Variants in RANBP17 observed in about 807,000 individuals in gnomAD.
RANBP17 encodes ran-binding protein 17.
RANBP17 carries 158 observed loss-of-function variants against 141.2 expected under a neutral mutation model. The ratio of observed to expected loss-of-function variants is 1.12; its 90% CI spans 0.98 to 1.28. The LOEUF is 1.28. RANBP17 is among the 50% of genes most tolerant of loss of function. The probability of loss-of-function intolerance (pLI) is 0.00; values close to 1 mark genes in which losing one functional copy is unlikely to be tolerated. For synonymous variants in RANBP17, 430 were observed against 450.0 expected (o/e 0.96, Z 0.56); for missense variants, 1,438 against 1,290.7 (o/e 1.11, Z -1.75).
At chr5:170,955,596 ATATATATATATATGCTCAGTG>A in intron 13 of RANBP17, among the ~76,000 whole-genome samples, 1 of 87,006 alleles carries the variant, frequency 1.1e-5, no homozygotes, top group Admixed American at 1.2e-4. Flanking sequence ...ATATATATAT[ATATATATATATATGCTCAGTG>A]TATATATATA....
At chr5:171,228,205 A>G (rs1187224373) in intron 22 of RANBP17, among the ~76,000 whole-genome samples, 1 of 152,228 alleles carries the variant, frequency 6.6e-6, no homozygotes, top group Non-Finnish European at 1.5e-5. Flanking sequence ...AGGATTCACT[A>G]TTCTAGATGC....
At chr5:171,212,174 G>T (rs965674889) in intron 20 of RANBP17, among the ~76,000 whole-genome samples, 1 of 152,158 alleles carries the variant, frequency 6.6e-6, no homozygotes, top group African/African-American at 2.4e-5. Context: ...CACCTATATT[G>T]AAATCTGACA....
chr5:171,160,443 C>G lies in RANBP17; in HGVS notation c.1711-9687C>G, dbSNP rs182307791. The stretch of plus-strand genomic sequence containing the variant: ...TACTTATGAAAATTTTACTGTATAC[C>G]AGGACTGTTATAGGTCCTTCACATA... On this transcript the variant is annotated intron_variant, in intron 14 of 27. Coordinates refer to ENST00000523189, the MANE Select transcript of RANBP17 (RefSeq NM_022897.5). Among the ~76,000 whole-genome samples the G allele has an allele frequency of 7.2e-5, 11 of 152,068 alleles. No homozygotes were observed. The East Asian group carries it at 2.1e-3, about 29-fold the overall frequency.
intron 14 of RANBP17, chr5:170,968,719 A>G (rs1178717951): frequency 2.2e-6 from 1 of 459,356 alleles, no homozygotes; most frequent in Non-Finnish European, 4.4e-6. Context: ...TTTTTTGGAC[A>G]CTTATTTATT....
chr5:170,882,790 T>C (rs1046177738), intron 3 of RANBP17, among the ~76,000 whole-genome samples: 8 of 152,238 alleles, frequency 5.3e-5, no homozygotes, highest in Non-Finnish European at 2.9e-5. Context: ...AATGATTTTA[T>C]AAAGTAGCAG....
intron 24 of RANBP17, among the ~76,000 whole-genome samples, chr5:171,263,521 T>C (rs908732243): frequency 1.3e-5 from 2 of 152,232 alleles, no homozygotes; most frequent in Non-Finnish European, 2.9e-5. Context: ...AGATAATAAA[T>C]GGTTGCTCTA....
chr5:170,890,418 CT>C (rs1238316640), intron 3 of RANBP17, among the ~76,000 whole-genome samples: 2 of 151,830 alleles, frequency 1.3e-5, no homozygotes, highest in African/African-American at 4.8e-5. Flanking sequence ...TGTATTTTAT[CT>C]TTTTTATTGT....
In RANBP17 at chr5:171,170,181, C is replaced by A; in HGVS notation, c.1762C>A (p.Leu588Ile). The part of the protein sequence containing the change: ...VLGITDDNHV[L>I]ETFMTKIVTN... Reference sequence around the variant, plus strand: ...AGGAATAACAGATGACAACCACGTTCTAGAGACGTTCATGACAAAAATGTG... The same window carrying A: ...AGGAATAACAGATGACAACCACGTTATAGAGACGTTCATGACAAAAATGTG... The change falls in exon 15 of 28, where the codon CTA becomes ATA. Residue 588 changes from leucine to isoleucine, a missense_variant. Physicochemically the swap from Leu to Ile is conservative, Grantham distance 5. Transcript: ENST00000523189. 4 of 1,574,736 alleles carry A rather than the reference C, an allele frequency of 2.5e-6. No homozygotes were observed. Among genetic ancestry groups the A allele is most frequent in the Non-Finnish European group, 3.5e-6 (4 of 1,157,786 alleles).
rs1353777794 is a variant in RANBP17, at chr5:170,892,440, A to C, written c.310A>C (p.Ile104Leu). The change falls in exon 4 of 28, where the codon ATC (isoleucine) becomes CTC (leucine). Residue 104 changes from isoleucine to leucine, a missense_variant. Physicochemically the swap from Ile to Leu is conservative, Grantham distance 5. Transcript: ENST00000523189. ...ACAGCCCAAGCTGGCTCCCTTTGTCATCCAAGCTCTTATTCAAGTCATTGC... is the reference window on the plus strand; with the variant it reads ...ACAGCCCAAGCTGGCTCCCTTTGTCCTCCAAGCTCTTATTCAAGTCATTGC... ...ASQPKLAPFV[I>L]QALIQVIAKI... is the part of the protein sequence containing the mutation. 6.2e-7 allele frequency: 1 copy of C among 1,613,876 alleles called. No individual in the cohort carries two copies. The highest frequency in any genetic ancestry group is 1.6e-4 in the Middle Eastern group (1 of 6,062).
chr5:170,950,249 A>T (rs1483748058), intron 12 of RANBP17, among the ~76,000 whole-genome samples: 1 of 152,172 alleles, frequency 6.6e-6, no homozygotes, highest in Non-Finnish European at 1.5e-5. Context: ...GGATTATATT[A>T]AGCTAAAAAG....
chr5:170,949,906 T>C lies in RANBP17; in HGVS notation c.1469-3691T>C, dbSNP rs1041740152. Among the ~76,000 whole-genome samples, 31 of 152,202 alleles carry C rather than the reference T, an allele frequency of 2.0e-4. 1 individual carries two copies. The highest frequency in any genetic ancestry group is 6.8e-3 in the Middle Eastern group (2 of 294). On this transcript the variant is annotated intron_variant, in intron 12 of 27. Transcript: ENST00000523189. ...TGGTATTGGTATAAAAACAGACACA[T>C]AGACCAATGGAACAGAATAGAAAAC...
At chr5:171,205,222 T>A (rs1195347463) in intron 19 of RANBP17, among the ~76,000 whole-genome samples, 1 of 152,216 alleles carries the variant, frequency 6.6e-6, no homozygotes, top group African/African-American at 2.4e-5. Flanking sequence ...TGTGTAATTA[T>A]CAATCCTCAT....
At chr5:170,923,767 G>C (rs544046035) in intron 11 of RANBP17, among the ~76,000 whole-genome samples, 1 of 151,982 alleles carries the variant, frequency 6.6e-6, no homozygotes, top group South Asian at 2.1e-4. Flanking sequence ...GTATGATACT[G>C]TTTTTTAAAT....
At chr5:171,119,551 A>ACTT (rs1755873761) in intron 14 of RANBP17, among the ~76,000 whole-genome samples, 4 of 152,180 alleles carry the variant, frequency 2.6e-5, no homozygotes, top group Admixed American at 1.3e-4. Flanking sequence ...GTGAAAGTGA[A>ACTT]CATCCTTGTC....
chr5:171,195,925 A>G (rs1440539475), intron 18 of RANBP17, among the ~76,000 whole-genome samples: 3 of 152,246 alleles, frequency 2.0e-5, no homozygotes, highest in Non-Finnish European at 1.5e-5. Context: ...CAAATAAAGT[A>G]CCAAATCCAT....
At chr5:171,012,806 G>GA (rs1780146923) in intron 14 of RANBP17, among the ~76,000 whole-genome samples, 1 of 151,986 alleles carries the variant, frequency 6.6e-6, no homozygotes, top group Non-Finnish European at 1.5e-5. Context: ...TTTTCTTTTA[G>GA]TTGAGAAGTT....
intron 18 of RANBP17, among the ~76,000 whole-genome samples, chr5:171,193,246 C>T (rs1402511048): frequency 6.6e-6 from 1 of 152,110 alleles, no homozygotes; most frequent in East Asian, 1.9e-4. Context: ...CTAATTGCAT[C>T]CTACAGAAAT....
At chr5:170,871,425 G>C (rs1039843945) in intron 1 of RANBP17, among the ~76,000 whole-genome samples, 1 of 152,078 alleles carries the variant, frequency 6.6e-6, no homozygotes, top group African/African-American at 2.4e-5. Flanking sequence ...CTGGATATTA[G>C]ACCTTTGTCA....
At chr5:171,094,299 A>G (rs1786519282) in intron 14 of RANBP17, among the ~76,000 whole-genome samples, 1 of 152,156 alleles carries the variant, frequency 6.6e-6, no homozygotes, top group Non-Finnish European at 1.5e-5. Context: ...GCCTTAGGCA[A>G]GTCACTAGAT....
Sources: gnomAD v4.1 joint callset for allele counts (sites outside exome capture counted in the v4.1 genomes callset) on GRCh38, gnomAD v4.1.1 for gene constraint, MANE v1.5 for transcripts, NCBI Gene and HGNC (gene_info 2026-07-23, HGNC 2026-07-21) for gene names.